SPINT2: variants seen among roughly 807,000 people sequenced by gnomAD.
The protein encoded by SPINT2 is serine peptidase inhibitor, Kunitz type 2.
Under a neutral mutation model 30.1 loss-of-function variants are expected in SPINT2, and 18 were observed. The ratio of observed to expected loss-of-function variants is 0.60; its 90% CI spans 0.41 to 0.89. SPINT2 has a LOEUF of 0.89. Ranked by LOEUF, SPINT2 falls within the 40% of genes least tolerant of loss-of-function variation. SPINT2 has a pLI of 0.00. For synonymous variants in SPINT2, 139 were observed against 137.9 expected, an observed-to-expected ratio of 1.01 and a Z score of -0.05; for missense variants, 276 against 334.3, an observed-to-expected ratio of 0.83 and a Z score of 1.36.
intron 1 of SPINT2, among the ~76,000 whole-genome samples, chr19:38,271,522 G>A (rs1025480828): frequency 6.7e-6 from 1 of 149,570 alleles, no homozygotes; most frequent in Non-Finnish European, 1.5e-5. Flanking sequence ...TAAGTGAGAG[G>A]AGCCACTTAC....
chr19:38,272,010 G>A (rs1968463313), intron 1 of SPINT2, among the ~76,000 whole-genome samples: 1 of 152,124 alleles, frequency 6.6e-6, no homozygotes, highest in Non-Finnish European at 1.5e-5. Flanking sequence ...GGGGGCTGAG[G>A]CAGGTGGATT....
intron 1 of SPINT2, among the ~76,000 whole-genome samples, chr19:38,283,009 T>G (rs997377362): frequency 1.4e-4 from 22 of 152,092 alleles, no homozygotes; most frequent in Admixed American, 3.3e-4. Context: ...GTTTTGTTTT[T>G]TTTTTTTTAA....
chr19:38,266,590 C>T (rs1181798836), intron 1 of SPINT2, among the ~76,000 whole-genome samples: 7 of 151,842 alleles, frequency 4.6e-5, no homozygotes, highest in Non-Finnish European at 8.8e-5. Context: ...GCAGGAGAAT[C>T]GCTTGAAGCC....
chr19:38,275,582 C>CA (rs1356275486), intron 1 of SPINT2, among the ~76,000 whole-genome samples: 1 of 151,916 alleles, frequency 6.6e-6, no homozygotes, highest in East Asian at 1.9e-4. Context: ...TGTATCTGGC[C>CA]AAAAAAATTT....
intron 1 of SPINT2, among the ~76,000 whole-genome samples, chr19:38,276,712 G>A (rs568228142): frequency 2.0e-5 from 3 of 152,292 alleles, no homozygotes; most frequent in African/African-American, 7.2e-5. Context: ...CCAAGTTCAA[G>A]GTGGTAGGGG....
At chr19:38,271,308 G>A (rs1041285461) in intron 1 of SPINT2, among the ~76,000 whole-genome samples, 5 of 151,434 alleles carry the variant, frequency 3.3e-5, no homozygotes, top group South Asian at 2.1e-4. Flanking sequence ...TGGCTAACAC[G>A]GTGAAAACCC....
chr19:38,269,467 G>A (rs1013243425), intron 1 of SPINT2, among the ~76,000 whole-genome samples: 5 of 142,188 alleles, frequency 3.5e-5, no homozygotes, highest in East Asian at 2.1e-4. Context: ...GTGCAGTGGC[G>A]CCATCTTGGC....
rs1968668554 is a variant in SPINT2 at position 38,288,352 on chromosome 19, G to C, written c.337+417G>C. The C allele has an allele frequency of 3.0e-5, 10 of 334,772 alleles. 1 individual carries two copies. The highest frequency in any genetic ancestry group is 1.7e-4 in the South Asian group (7 of 40,030). The allele number at this position is 334,772 out of a possible 1,614,324, so 20.7% of individuals were successfully genotyped here. The stretch of plus-strand genomic sequence containing the variant: ...TGCCATCGCTGTCCCCTGCCCCGTG[G>C]GCATCCTCTGTCCTCTGCCACCCCC... On this transcript the variant is annotated intron_variant, in intron 3 of 6. Coordinates refer to ENST00000301244, the MANE Select transcript of SPINT2 (RefSeq NM_021102.4).
At position 38,283,695 on chromosome 19, in the gene SPINT2, A is replaced by G; in HGVS notation, c.175A>G (p.Thr59Ala). 6.2e-7 allele frequency: 1 copy of G among 1,614,088 alleles called. No individual in the cohort carries two copies. The highest frequency in any genetic ancestry group is 8.5e-7 in the Non-Finnish European group (1 of 1,180,024). Reference protein sequence around the residue: ...ASMPRWWYNVTDGSCQLFVYG... With the variant: ...ASMPRWWYNVADGSCQLFVYG... ...CATGCCTAGGTGGTGGTACAATGTC[A>G]CTGACGGATCCTGCCAGCTGTTTGT... Residue 59 changes from threonine to alanine, a missense_variant, in exon 2 of 7, where the codon ACT (threonine) becomes GCT (alanine). Thr to Ala is a moderately conservative substitution (Grantham distance 58). Transcript: ENST00000301244.
At chr19:38,276,742 A>T (rs1968523118) in intron 1 of SPINT2, among the ~76,000 whole-genome samples, 1 of 152,194 alleles carries the variant, frequency 6.6e-6, no homozygotes, top group Non-Finnish European at 1.5e-5. Context: ...GAAGAGGCAG[A>T]GCAAATGTGA....
At chr19:38,267,975 G>A (rs1006809754) in intron 1 of SPINT2, among the ~76,000 whole-genome samples, 1 of 152,098 alleles carries the variant, frequency 6.6e-6, no homozygotes, top group Non-Finnish European at 1.5e-5. Flanking sequence ...GCCCTCAGGG[G>A]AGATTCCAAT....
chr19:38,272,131 G>A (rs1034851248), intron 1 of SPINT2, among the ~76,000 whole-genome samples: 9 of 151,872 alleles, frequency 5.9e-5, no homozygotes, highest in African/African-American at 1.5e-4. Flanking sequence ...AGCCCAGGAA[G>A]TGGAGGTTGC....
At chr19:38,277,176 A>G (rs1968530180) in intron 1 of SPINT2, among the ~76,000 whole-genome samples, 1 of 152,176 alleles carries the variant, frequency 6.6e-6, no homozygotes, top group Non-Finnish European at 1.5e-5. Flanking sequence ...TAAAGTTCTT[A>G]CTTTGCAAAG....
Position 38,292,109 on chromosome 19 carries a change from GTC to G in SPINT2, c.*105_*106del. 6.7e-7 allele frequency: 1 copy of G among 1,496,440 alleles called. No homozygotes were observed. The highest frequency in any genetic ancestry group is 9.0e-7 in the Non-Finnish European group (1 of 1,105,998). The allele number at this position is 1,496,440 out of a possible 1,614,324, so 92.7% of individuals were successfully genotyped here. A position where few individuals can be genotyped will look rare whatever the true frequency, so the allele number is the denominator to read the frequency against. ...GATTTGAGTGATCATTAGGGCTGAG[GTC>G]TGTTTCTCTGGGAGGTAGGACGGCT... On this transcript the variant is annotated 3_prime_UTR_variant, in exon 7 of 7. Transcript: ENST00000301244.
chr19:38,290,115 C>T lies in SPINT2; in HGVS notation c.392-4C>T. ...TTGTATTCCCTGGGCTGTCTTACTCCTAGAATACTGCACCGCCAACGCAGT... is the reference window on the plus strand; with the variant it reads ...TTGTATTCCCTGGGCTGTCTTACTCTTAGAATACTGCACCGCCAACGCAGT... On this transcript the variant is annotated splice_region_variant and splice_polypyrimidine_tract_variant and intron_variant, in intron 4 of 6. Transcript: ENST00000301244. The surrounding 1 kb of genome is among the most constrained non-coding windows in gnomAD (Gnocchi z 4.3). 4.3e-6 allele frequency: 7 copies of T among 1,612,418 alleles called. No homozygotes were observed. Among genetic ancestry groups the T allele is most frequent in the Non-Finnish European group, 5.9e-6 (7 of 1,180,034 alleles).
At chr19:38,268,106 C>T (rs1968401645) in intron 1 of SPINT2, among the ~76,000 whole-genome samples, 1 of 152,006 alleles carries the variant, frequency 6.6e-6, no homozygotes, top group South Asian at 2.1e-4. Context: ...ACAAAGCAGG[C>T]CCCACCGTGT....
intron 1 of SPINT2, among the ~76,000 whole-genome samples, chr19:38,275,449 C>T (rs912049902): frequency 1.3e-5 from 2 of 151,740 alleles, no homozygotes; most frequent in African/African-American, 2.4e-5. Context: ...CTCAGCCTCC[C>T]GAGTAGCTGG....
chr19:38,267,383 A>G (rs2146264231), intron 1 of SPINT2, among the ~76,000 whole-genome samples: 1 of 152,064 alleles, frequency 6.6e-6, no homozygotes, highest in Middle Eastern at 3.4e-3. Flanking sequence ...GTGCTGCTGG[A>G]TGAGTGTGGT....
At chr19:38,291,582 A>G (rs1968719206) in intron 6 of SPINT2, 1 of 501,156 alleles carries the variant, frequency 2.0e-6, no homozygotes. Context: ...AGGAACACAG[A>G]TGACTACTCT....
Sources: gnomAD v4.1 joint callset for allele counts (sites outside exome capture counted in the v4.1 genomes callset) on GRCh38, gnomAD v4.1.1 for gene constraint, Gnocchi (gnomAD v3.1) non-coding constraint, MANE v1.5 for transcripts, NCBI Gene and HGNC (gene_info 2026-07-23, HGNC 2026-07-21) for gene names.